CTNND2: variants seen among roughly 807,000 people sequenced by gnomAD.
CTNND2 encodes catenin delta 2.
Under a neutral mutation model 144.4 loss-of-function variants are expected in CTNND2, and 22 were observed. That is an observed-to-expected ratio of 0.15 (90% CI 0.11 to 0.22). The LOEUF is 0.22. CTNND2 is among the 10% of genes least tolerant of loss of function. The probability of loss-of-function intolerance (pLI) is 1.00; values close to 1 mark genes in which losing one functional copy is unlikely to be tolerated. For missense variants in CTNND2, 1,353 were observed against 1,618.8 expected (o/e 0.84, Z 2.82); for synonymous variants, 751 against 695.6 (o/e 1.08, Z -1.25).
In CTNND2 at chr5:11,387,402, T is replaced by C. The variant is rs545371627; in HGVS notation, c.613-2173A>G. 1.7e-4 allele frequency among the ~76,000 whole-genome samples: 26 copies of C among 152,154 alleles called. No individual in the cohort carries two copies. In the South Asian group the frequency reaches 4.4e-3, roughly 26 times the overall value. Reference sequence around the variant, plus strand: ...TTGCCAACACTGCTCCAGAAGACACTTGGATTTGGAGGGTGCGGAGTGGGC... The same window carrying C: ...TTGCCAACACTGCTCCAGAAGACACCTGGATTTGGAGGGTGCGGAGTGGGC... On this transcript the variant is annotated intron_variant, in intron 6 of 21. Coordinates refer to ENST00000304623, the MANE Select transcript of CTNND2 (RefSeq NM_001332.4).
intron 2 of CTNND2, among the ~76,000 whole-genome samples, chr5:11,701,911 TAA>T (rs1283594256): frequency 6.6e-6 from 1 of 152,170 alleles, no homozygotes; most frequent in African/African-American, 2.4e-5. Flanking sequence ...AACGGAAGTT[TAA>T]AGAGAACGAA....
chr5:11,864,730 G>C (rs755841857), intron 1 of CTNND2, among the ~76,000 whole-genome samples: 5 of 152,094 alleles, frequency 3.3e-5, no homozygotes, highest in Admixed American at 2.0e-4. Flanking sequence ...GAGCAGCCCT[G>C]CCATGCCTCC....
intron 16 of CTNND2, among the ~76,000 whole-genome samples, chr5:11,060,452 A>G (rs747318552): frequency 1.3e-5 from 2 of 152,182 alleles, no homozygotes; most frequent in African/African-American, 4.8e-5. Context: ...TTCAGGAGTA[A>G]GATGTGACCA....
intron 13 of CTNND2, 120 bp from the exon 14 acceptor site, chr5:11,111,163 C>T: frequency 1.8e-6 from 2 of 1,100,884 alleles, no homozygotes; most frequent in Non-Finnish European, 2.5e-6. Context: ...TGTTTAGCTG[C>T]CAGCTTCTGA....
intron 10 of CTNND2, among the ~76,000 whole-genome samples, chr5:11,206,210 T>C (rs921141924): frequency 6.6e-6 from 1 of 152,226 alleles, no homozygotes; most frequent in Non-Finnish European, 1.5e-5. Flanking sequence ...ATGTACGGTA[T>C]ATATCGAATA....
chr5:10,987,163 G>A (rs1259694884), intron 20 of CTNND2, among the ~76,000 whole-genome samples: 2 of 152,214 alleles, frequency 1.3e-5, no homozygotes, highest in African/African-American at 4.8e-5. Flanking sequence ...CGGCAGCTTT[G>A]CTTTTAAGGT....
At chr5:11,259,745 G>T (rs1337113686) in intron 9 of CTNND2, among the ~76,000 whole-genome samples, 1 of 152,138 alleles carries the variant, frequency 6.6e-6, no homozygotes, top group Admixed American at 6.6e-5. Flanking sequence ...ATAGCACCTG[G>T]ATTTTGCTGA....
At chr5:11,819,461 ACCT>A (rs1488742808) in intron 1 of CTNND2, among the ~76,000 whole-genome samples, 2 of 151,768 alleles carry the variant, frequency 1.3e-5, no homozygotes, top group African/African-American at 4.8e-5. Context: ...AGACAGACAG[ACCT>A]CTTTTTATTT....
At chr5:11,185,339 C>A (rs1735517107) in intron 11 of CTNND2, among the ~76,000 whole-genome samples, 4 of 152,200 alleles carry the variant, frequency 2.6e-5, no homozygotes, top group Admixed American at 2.6e-4. Context: ...ACATCTACAT[C>A]ATTTCCATAT....
At chr5:11,771,106 A>G (rs1409375652) in intron 1 of CTNND2, among the ~76,000 whole-genome samples, 1 of 152,168 alleles carries the variant, frequency 6.6e-6, no homozygotes, top group Non-Finnish European at 1.5e-5. Flanking sequence ...GCTTTACATT[A>G]TAAAAAGGAA....
In CTNND2 at chr5:11,565,395, T is replaced by C. The variant is rs535942249; in HGVS notation, c.175-339A>G. On this transcript the variant is annotated intron_variant, in intron 2 of 21. Coordinates refer to ENST00000304623, the MANE Select transcript of CTNND2 (RefSeq NM_001332.4). ...ACGGTCAGCACCCAACAGGTACCAA[T>C]ACTCCTGATACCACAAGTATAGCAT... 2.6e-5 allele frequency among the ~76,000 whole-genome samples: 4 copies of C among 152,356 alleles called. No homozygotes were observed. In the South Asian group the frequency reaches 8.3e-4, roughly 32 times the overall value.
intron 10 of CTNND2, among the ~76,000 whole-genome samples, chr5:11,207,252 C>T (rs1041851340): frequency 2.0e-5 from 3 of 151,790 alleles, no homozygotes; most frequent in East Asian, 1.9e-4. Context: ...GTGGGGCTTG[C>T]GGAGGGATAG....
chr5:11,326,853 G>C (rs1345134109), intron 9 of CTNND2, among the ~76,000 whole-genome samples: 1 of 152,204 alleles, frequency 6.6e-6, no homozygotes, highest in African/African-American at 2.4e-5. Flanking sequence ...ATTCAGATCA[G>C]TAGGTGGGTG....
chr5:11,322,605 G>A (rs1030975960), intron 9 of CTNND2, among the ~76,000 whole-genome samples: 6 of 152,032 alleles, frequency 3.9e-5, no homozygotes, highest in African/African-American at 1.4e-4. Context: ...TATATTTTGA[G>A]TGGCTTCTTG....
intron 10 of CTNND2, among the ~76,000 whole-genome samples, chr5:11,219,056 C>T (rs1284869316): frequency 6.6e-6 from 1 of 152,150 alleles, no homozygotes; most frequent in Non-Finnish European, 1.5e-5. Flanking sequence ...GCCTCCAGTT[C>T]TTTAGTATGA....
chr5:11,322,145 A>C (rs1752097925), intron 9 of CTNND2, among the ~76,000 whole-genome samples: 1 of 152,128 alleles, frequency 6.6e-6, no homozygotes, highest in Non-Finnish European at 1.5e-5. Context: ...AACCTCACTT[A>C]AGTAGCCTAT....
intron 18 of CTNND2, among the ~76,000 whole-genome samples, chr5:11,014,047 C>T (rs190398609): frequency 2.1e-4 from 32 of 152,326 alleles, no homozygotes; most frequent in East Asian, 1.5e-3. Context: ...TGCCTGAGCA[C>T]GTACAGCTCC....
intron 3 of CTNND2, among the ~76,000 whole-genome samples, chr5:11,455,756 A>T (rs551086484): frequency 6.6e-6 from 1 of 152,222 alleles, no homozygotes; most frequent in African/African-American, 2.4e-5. Flanking sequence ...TTTACTTTAG[A>T]TAATGGCAAC....
At chr5:11,766,269 G>A (rs1789582993) in intron 1 of CTNND2, among the ~76,000 whole-genome samples, 1 of 152,188 alleles carries the variant, frequency 6.6e-6, no homozygotes, top group Non-Finnish European at 1.5e-5. Context: ...TGGTATTAGT[G>A]TTGGTGGCTC....
Sources: gnomAD v4.1 joint callset for allele counts (sites outside exome capture counted in the v4.1 genomes callset) on GRCh38, gnomAD v4.1.1 for gene constraint, MANE v1.5 for transcripts, NCBI Gene and HGNC (gene_info 2026-07-23, HGNC 2026-07-21) for gene names.